The following RERE variants were observed in gnomAD, a reference collection of about 807,000 sequenced individuals.
RERE encodes arginine-glutamic acid dipeptide repeats protein.
In RERE, 40 loss-of-function variants were observed where a neutral mutation model predicts 146.1. The observed-to-expected ratio is 0.27, with a 90% CI of 0.21 to 0.36. The LOEUF (loss-of-function observed/expected upper bound fraction) is 0.36, where lower values mean the gene tolerates loss of function less well. Ranked by LOEUF, RERE falls within the 10% of genes least tolerant of loss-of-function variation. The probability of loss-of-function intolerance (pLI) is 1.00; values close to 1 mark genes in which losing one functional copy is unlikely to be tolerated. For missense variants in RERE, 1,933 were observed against 2,138.7 expected, an observed-to-expected ratio of 0.90 and a Z score of 1.90; for synonymous variants, 1,003 against 866.0, an observed-to-expected ratio of 1.16 and a Z score of -2.78.
Position 8,545,583 on chromosome 1 carries a change from T to A in RERE, c.726-4265A>T, listed in dbSNP as rs552233153. On this transcript the variant is annotated intron_variant, in intron 6 of 22. Transcript: ENST00000400908. Reference sequence around the variant, plus strand: ...CGTGCACGAGCACACACAGAATGTTTACAGTAGCAAATCTGTTGAAAGCTA... The same window carrying A: ...CGTGCACGAGCACACACAGAATGTTAACAGTAGCAAATCTGTTGAAAGCTA... Among the ~76,000 whole-genome samples the A allele has an allele frequency of 2.0e-5, 3 of 152,210 alleles. No individual in the cohort carries two copies. The South Asian group carries it at 6.2e-4, about 32-fold the overall frequency.
Position 8,695,041 on chromosome 1 carries a change from T to A in RERE, c.-144-38600A>T, listed in dbSNP as rs185454212. 4.3e-3 allele frequency among the ~76,000 whole-genome samples: 581 copies of A among 136,630 alleles called. 2 individuals are homozygous for A. The highest frequency in any genetic ancestry group is 7.5e-3 in the Non-Finnish European group (497 of 65,880). 89.6% of individuals were successfully genotyped at this position (136,630 alleles called of 152,430 possible). ...AAGCTATACTATAAGGCTACGGTAA[T>A]CAAAACAGGAGGGTACAGGTACAAA... On this transcript the variant is annotated intron_variant, in intron 1 of 22. Transcript: ENST00000400908.
At chr1:8,362,349 T>G (rs1358149508) in intron 16 of RERE, among the ~76,000 whole-genome samples, 1 of 152,196 alleles carries the variant, frequency 6.6e-6, no homozygotes, top group Admixed American at 6.5e-5. Context: ...TTTGGTATCC[T>G]GGGCGGTGGA....
intron 12 of RERE, among the ~76,000 whole-genome samples, chr1:8,412,448 G>T (rs925424866): frequency 3.3e-5 from 5 of 152,172 alleles, no homozygotes; most frequent in Non-Finnish European, 7.3e-5. Flanking sequence ...GCAGAGATCT[G>T]GCACCACTAA....
chr1:8,479,852 G>C (rs182407333), intron 10 of RERE, among the ~76,000 whole-genome samples: 2 of 152,122 alleles, frequency 1.3e-5, no homozygotes, highest in African/African-American at 4.8e-5. Context: ...AAAAACTGGG[G>C]ATAAAAAATT....
intron 1 of RERE, among the ~76,000 whole-genome samples, chr1:8,733,333 T>G (rs1045672297): frequency 7.9e-5 from 12 of 152,170 alleles, no homozygotes; most frequent in African/African-American, 2.9e-4. Flanking sequence ...CTCCTTTTAG[T>G]TCTAAATTTT....
rs141874506 is a variant in RERE, at chr1:8,414,788, C to T, written c.1284+7939G>A. On this transcript the variant is annotated intron_variant, in intron 12 of 22. Transcript: ENST00000400908. Reference sequence around the variant, plus strand: ...ATTCTGGTATCCCAAAGGAAGGTTGCTCCTGTTTGCTTTTCCTATTTACCT... The same window carrying T: ...ATTCTGGTATCCCAAAGGAAGGTTGTTCCTGTTTGCTTTTCCTATTTACCT... Among the ~76,000 whole-genome samples, 1,153 of 152,084 alleles carry T rather than the reference C, an allele frequency of 7.6e-3. 10 individuals are homozygous for T. The highest frequency in any genetic ancestry group is 0.027 in the Middle Eastern group (8 of 292).
At chr1:8,766,126 A>G (rs1640841020) in intron 1 of RERE, among the ~76,000 whole-genome samples, 1 of 152,172 alleles carries the variant, frequency 6.6e-6, no homozygotes, top group Non-Finnish European at 1.5e-5. Flanking sequence ...AACAACAACA[A>G]AAAGAAAAAA....
At chr1:8,598,709 G>A (rs1346908630) in intron 4 of RERE, among the ~76,000 whole-genome samples, 1 of 152,222 alleles carries the variant, frequency 6.6e-6, no homozygotes, top group African/African-American at 2.4e-5. Context: ...CTCCATGCCA[G>A]AGAAAAGGAT....
At chr1:8,613,405 G>A (rs928315525) in intron 4 of RERE, among the ~76,000 whole-genome samples, 36 of 152,212 alleles carry the variant, frequency 2.4e-4, no homozygotes, top group African/African-American at 7.7e-4. Flanking sequence ...CACTGCCTGC[G>A]TTGCTTATAA....
intron 11 of RERE, among the ~76,000 whole-genome samples, chr1:8,454,894 C>T (rs181852058): frequency 2.3e-4 from 35 of 152,158 alleles, no homozygotes; most frequent in Admixed American, 2.2e-3. Flanking sequence ...TTCTTGAGGC[C>T]ACACAGGTGG....
chr1:8,555,997 T>C (rs991160761), intron 6 of RERE, among the ~76,000 whole-genome samples: 2 of 152,176 alleles, frequency 1.3e-5, no homozygotes, highest in Non-Finnish European at 2.9e-5. Flanking sequence ...CTCAAGTAAT[T>C]ACACGCTGCC....
In RERE at chr1:8,360,264, C is replaced by G. The variant is rs748735395; in HGVS notation, c.3243G>C (p.Ala1081=). ...TGGGGAGTGGGCAGGACGACCCCCC[C>G]GCTATGCTGCCTCCTGAAGCCGCCG... ...SGAAASGGSI[A]GGSSCPLPTV... is the part of the protein sequence containing the mutation. Residue 1081 remains alanine (A), a synonymous_variant, in exon 18 of 23, where the codon GCG becomes GCC. Coordinates refer to ENST00000400908, the MANE Select transcript of RERE (RefSeq NM_001042681.2). The G allele has an allele frequency of 1.0e-5, 16 of 1,571,906 alleles. No individual in the cohort carries two copies. Among genetic ancestry groups the G allele is most frequent in the Middle Eastern group, 3.5e-4 (2 of 5,706 alleles).
At chr1:8,599,206 A>C (rs1407910582) in intron 4 of RERE, among the ~76,000 whole-genome samples, 3 of 152,180 alleles carry the variant, frequency 2.0e-5, no homozygotes, top group Non-Finnish European at 4.4e-5. Flanking sequence ...GAGGTTCACG[A>C]GATGGGCTGT....
rs546443383 is a variant in RERE at position 8,726,096 on chromosome 1, A to T, written c.-144-69655T>A. On this transcript the variant is annotated intron_variant, in intron 1 of 22. Transcript: ENST00000400908. ...CACAAATGTCTGAAAAGCAAACTCA[A>T]CTCAATTTAGTTGAGTCAATAAGGG... Among the ~76,000 whole-genome samples, 18 of 150,834 alleles carry T rather than the reference A, an allele frequency of 1.2e-4. No homozygotes were observed. In the South Asian group the frequency reaches 1.3e-3, roughly 11 times the overall value.
chr1:8,433,073 T>C (rs1408370065), intron 11 of RERE, among the ~76,000 whole-genome samples: 3 of 152,178 alleles, frequency 2.0e-5, no homozygotes, highest in Admixed American at 6.5e-5. Flanking sequence ...GTATGCTGGA[T>C]ATCCATGAGG....
chr1:8,533,794 T>C (rs1482597922), intron 7 of RERE, among the ~76,000 whole-genome samples: 1 of 152,256 alleles, frequency 6.6e-6, no homozygotes, highest in Non-Finnish European at 1.5e-5. Context: ...TGTTATGTGT[T>C]ATTCCATTAC....
intron 6 of RERE, among the ~76,000 whole-genome samples, chr1:8,552,534 G>A (rs1402604063): frequency 6.6e-6 from 1 of 151,406 alleles, no homozygotes. Context: ...TAGTAGTACT[G>A]GTTTATAACT....
chr1:8,778,337 TTA>T (rs1048693246), intron 1 of RERE, among the ~76,000 whole-genome samples: 1 of 152,182 alleles, frequency 6.6e-6, no homozygotes, highest in African/African-American at 2.4e-5. Flanking sequence ...CAAGATCTAT[TTA>T]TATATTTTAG....
At chr1:8,683,481 AC>A (rs1557479292) in intron 1 of RERE, among the ~76,000 whole-genome samples, 1 of 152,160 alleles carries the variant, frequency 6.6e-6, no homozygotes, top group Non-Finnish European at 1.5e-5. Flanking sequence ...TCAGAGACAC[AC>A]AGAAATTCTA....
Sources: allele counts gnomAD v4.1 joint callset (sites outside exome capture counted in the v4.1 genomes callset), GRCh38; gene constraint gnomAD v4.1.1; transcripts MANE v1.5; gene names NCBI Gene and HGNC (gene_info 2026-07-23, HGNC 2026-07-21).